LRCH1: variants seen among roughly 807,000 people sequenced by gnomAD.
The protein encoded by LRCH1 is leucine rich repeats and calponin homology domain containing 1, also known as leucine-rich repeat and calponin homology domain-containing protein 1.
Under a neutral mutation model 94.9 loss-of-function variants are expected in LRCH1, and 23 were observed. The observed-to-expected ratio is 0.24, with a 90% confidence interval of 0.17 to 0.34. The LOEUF (loss-of-function observed/expected upper bound fraction) is 0.34, where lower values mean the gene tolerates loss of function less well. LRCH1 is among the 10% of genes least tolerant of loss of function. LRCH1 has a pLI of 1.00. For missense variants in LRCH1, 790 were observed against 945.9 expected (o/e 0.84, Z 2.16); for synonymous variants, 364 against 354.9 (o/e 1.03, Z -0.29).
chr13:46,688,098 C>A, intron 6 of LRCH1, 119 bp downstream of exon 6: 1 of 968,784 alleles, frequency 1.0e-6, no homozygotes, highest in Non-Finnish European at 1.4e-6. Flanking sequence ...GAAAACAAAG[C>A]AAAACAGAAC....
In LRCH1 at chr13:46,689,620, A is replaced by G. The variant is rs561121743; in HGVS notation, c.1014+424A>G. Among the ~76,000 whole-genome samples the G allele has an allele frequency of 7.2e-5, 11 of 152,294 alleles. No homozygotes were observed. In the South Asian group the frequency reaches 1.9e-3, roughly 26 times the overall value. On this transcript the variant is annotated intron_variant, in intron 7 of 19. Transcript: ENST00000389797. Reference sequence around the variant, plus strand: ...GCGTAAATGTTAAGGAATCAACTGTACATTTTATTTTAATAGTTGATCCAC... The same window carrying G: ...GCGTAAATGTTAAGGAATCAACTGTGCATTTTATTTTAATAGTTGATCCAC...
In LRCH1 at chr13:46,610,859, T is replaced by C. The variant is rs186066098; in HGVS notation, c.308-39342T>C. On this transcript the variant is annotated intron_variant, in intron 1 of 19. Transcript: ENST00000389797. The stretch of plus-strand genomic sequence containing the variant: ...ACATGTTCTGCACCACCCACTACAC[T>C]GCAGGGCATTTAGGTAAGCAGCATT... Among the ~76,000 whole-genome samples the C allele has an allele frequency of 3.3e-3, 502 of 152,326 alleles. 3 individuals carry two copies. The highest frequency in any genetic ancestry group is 0.02 in the South Asian group (95 of 4,824).
At chr13:46,559,004 G>A (rs1270909440) in intron 1 of LRCH1, among the ~76,000 whole-genome samples, 1 of 152,190 alleles carries the variant, frequency 6.6e-6, no homozygotes, top group Non-Finnish European at 1.5e-5. Flanking sequence ...TCTTCTCTGA[G>A]ATTTGTGGGT....
chr13:46,689,688 T>C (rs780029201), intron 7 of LRCH1, among the ~76,000 whole-genome samples: 28 of 149,096 alleles, frequency 1.9e-4, no homozygotes, highest in Non-Finnish European at 3.7e-4. Flanking sequence ...ATAACAATGT[T>C]TGTTTTCCTC....
intron 6 of LRCH1, among the ~76,000 whole-genome samples, chr13:46,688,360 A>G (rs1870727469): frequency 6.6e-6 from 1 of 152,206 alleles, no homozygotes; most frequent in Admixed American, 6.5e-5. Flanking sequence ...GCAATTATTA[A>G]TGTTGAATAT....
At chr13:46,561,184 TATG>T (rs2050126183) in intron 1 of LRCH1, among the ~76,000 whole-genome samples, 1 of 152,272 alleles carries the variant, frequency 6.6e-6, no homozygotes, top group Admixed American at 6.5e-5. Flanking sequence ...TCTCTGTTAA[TATG>T]ATGCTGGTGC....
At chr13:46,725,494 C>T (rs1451860814) in intron 17 of LRCH1, among the ~76,000 whole-genome samples, 1 of 152,186 alleles carries the variant, frequency 6.6e-6, no homozygotes, top group African/African-American at 2.4e-5. Context: ...AAAAAGGTCT[C>T]TGCTGTTCTG....
At position 46,657,596 on chromosome 13, in the gene LRCH1, C is replaced by T. The variant is rs186076527; in HGVS notation, c.452+7251C>T. Among the ~76,000 whole-genome samples the T allele has an allele frequency of 4.0e-3, 472 of 119,112 alleles. 3 individuals are homozygous for T. The highest frequency in any genetic ancestry group is 6.1e-3 in the Middle Eastern group (1 of 164). The allele number at this position is 119,112 out of a possible 152,430, so 78.1% of individuals were successfully genotyped here. ...CTAGAGTGCAGTGGTGTGATCACAG[C>T]TTACTGCAGCCTCGACCTCCCTGGG... On this transcript the variant is annotated intron_variant, in intron 2 of 19. Coordinates refer to ENST00000389797, the MANE Select transcript of LRCH1 (RefSeq NM_001164211.2).
intron 1 of LRCH1, among the ~76,000 whole-genome samples, chr13:46,578,845 C>T (rs115488363): frequency 0.01 from 1,534 of 152,126 alleles, 33 homozygotes; most frequent in African/African-American, 0.035. Context: ...GCCTTCATGC[C>T]AGAAAGGACA....
At chr13:46,619,309 C>T (rs1226888906) in intron 1 of LRCH1, among the ~76,000 whole-genome samples, 6 of 152,136 alleles carry the variant, frequency 3.9e-5, no homozygotes, top group Middle Eastern at 3.4e-3. Flanking sequence ...TGGGGTTTCG[C>T]CACATTGGCC....
chr13:46,564,091 C>T (rs940363434), intron 1 of LRCH1, among the ~76,000 whole-genome samples: 2 of 152,152 alleles, frequency 1.3e-5, no homozygotes, highest in African/African-American at 2.4e-5. Flanking sequence ...ACGGTAGTTA[C>T]AGATGAGACA....
rs1022365658 is a variant in LRCH1, at chr13:46,553,667, G to T, written c.271G>T (p.Ala91Ser). 3 of 1,609,790 alleles carry T rather than the reference G, an allele frequency of 1.9e-6. No individual in the cohort carries two copies. Among genetic ancestry groups the T allele is most frequent in the Non-Finnish European group, 2.5e-6 (3 of 1,178,998 alleles). The part of the protein sequence containing the change: ...RKLKEFPRTA[A>S]PGHDLSDTVQ... ...ATTGAAGGAATTTCCCCGTACCGCA[G>T]CCCCCGGGCACGACCTCTCGGACAC... is the stretch of plus-strand genomic sequence containing the variant. Residue 91 changes from alanine to serine, a missense_variant, in exon 1 of 20, where the codon GCC becomes TCC. Physicochemically the swap from Ala to Ser is moderately conservative, Grantham distance 99. Around this residue, in one of 3 missense-constraint regions of LRCH1, gnomAD observed 136 missense variants for 143.5 expected, o/e 0.95. Coordinates refer to ENST00000389797, the MANE Select transcript of LRCH1 (RefSeq NM_001164211.2).
At chr13:46,611,268 G>A (rs949346830) in intron 1 of LRCH1, among the ~76,000 whole-genome samples, 2 of 152,132 alleles carry the variant, frequency 1.3e-5, no homozygotes, top group Non-Finnish European at 2.9e-5. Context: ...TCAGCTTCCC[G>A]CATTGGAATG....
At chr13:46,706,378 T>C (rs1871760901) in intron 13 of LRCH1, among the ~76,000 whole-genome samples, 1 of 152,202 alleles carries the variant, frequency 6.6e-6, no homozygotes, top group Non-Finnish European at 1.5e-5. Context: ...TTCTCTATTA[T>C]TGTTATTGGT....
chr13:46,682,554 A>T (rs901802262), intron 4 of LRCH1, among the ~76,000 whole-genome samples: 1 of 152,204 alleles, frequency 6.6e-6, no homozygotes. Flanking sequence ...TTTCGGGGAC[A>T]TACTTTGTTC....
intron 8 of LRCH1, among the ~76,000 whole-genome samples, chr13:46,693,559 A>T (rs1871022515): frequency 6.6e-6 from 1 of 152,200 alleles, no homozygotes; most frequent in African/African-American, 2.4e-5. Context: ...ACTTTGGCCC[A>T]GTCAGGTGAC....
In LRCH1 at chr13:46,553,451, A is replaced by G. The variant is rs2050022936; in HGVS notation, c.55A>G (p.Thr19Ala). The G allele has an allele frequency of 1.3e-6, 2 of 1,548,044 alleles. No individual in the cohort carries two copies. Among genetic ancestry groups the G allele is most frequent in the Non-Finnish European group, 1.7e-6 (2 of 1,146,028 alleles). Reference protein sequence around the residue: ...QPFVPALSVATLHPLHHPHHH... With the variant: ...QPFVPALSVAALHPLHHPHHH... The stretch of plus-strand genomic sequence containing the variant: ...TTTCGTCCCGGCCCTTTCGGTAGCT[A>G]CTCTGCACCCACTTCATCATCCCCA... Residue 19 changes from threonine (T) to alanine (A), a missense_variant, in exon 1 of 20, where the codon ACT becomes GCT. This residue lies in a region of LRCH1 where 136 missense variants were observed against 143.5 expected (regional missense o/e 0.95). Transcript: ENST00000389797.
At chr13:46,593,076 C>A (rs1190602385) in intron 1 of LRCH1, among the ~76,000 whole-genome samples, 2 of 151,664 alleles carry the variant, frequency 1.3e-5, no homozygotes, top group African/African-American at 4.8e-5. Flanking sequence ...GGAGTAATAT[C>A]CTCCTTTGGA....
At chr13:46,561,288 T>C (rs2050127273) in intron 1 of LRCH1, among the ~76,000 whole-genome samples, 1 of 152,226 alleles carries the variant, frequency 6.6e-6, no homozygotes, top group Non-Finnish European at 1.5e-5. Context: ...TCTTCCTAGA[T>C]GTTTGTTTTT....
Sources: gnomAD v4.1 joint callset for allele counts (sites outside exome capture counted in the v4.1 genomes callset) on GRCh38, gnomAD v4.1.1 for gene constraint, gnomAD v4.1.1 regional missense constraint, MANE v1.5 for transcripts, NCBI Gene and HGNC (gene_info 2026-07-23, HGNC 2026-07-21) for gene names.